RER1: variants seen among roughly 807,000 people sequenced by gnomAD.
RER1 encodes the protein retention in endoplasmic reticulum sorting receptor 1.
A neutral mutation model predicts 28.3 loss-of-function variants in RER1; 6 were observed. That is an observed-to-expected ratio of 0.21 (90% CI 0.12 to 0.42). The LOEUF (loss-of-function observed/expected upper bound fraction) is 0.42, where lower values mean the gene tolerates loss of function less well. RER1 is among the 10% of genes least tolerant of loss of function. The pLI, the probability that RER1 is intolerant of heterozygous loss-of-function variation, is 1.00. For synonymous variants in RER1, 110 were observed against 95.9 expected (o/e 1.15, Z -0.86); for missense variants, 159 against 252.9 (o/e 0.63, Z 2.52).
chr1:2,393,465 C>G (rs1462817677), intron 1 of RER1, among the ~76,000 whole-genome samples: 1 of 152,178 alleles, frequency 6.6e-6, no homozygotes, highest in Non-Finnish European at 1.5e-5. Flanking sequence ...GGGCTTCAAA[C>G]TGAGCAGAGA....
chr1:2,399,551 G>A, intron 4 of RER1, 37 bp downstream of exon 4: 2 of 1,343,252 alleles, frequency 1.5e-6, no homozygotes, highest in South Asian at 2.3e-5. Flanking sequence ...GTGTGGGCAG[G>A]TTGGGCCTTT....
At chr1:2,400,020 G>A (rs1446779943) in intron 4 of RER1, among the ~76,000 whole-genome samples, 3 of 152,254 alleles carry the variant, frequency 2.0e-5, no homozygotes, top group African/African-American at 7.2e-5. Flanking sequence ...GTGAGCTGAA[G>A]TGTTCCTGGT....
In RER1 at chr1:2,405,078, CTG is replaced by C. The variant is rs1010262344; in HGVS notation, c.*1957_*1958del. 3 of 160,242 alleles carry C rather than the reference CTG, an allele frequency of 1.9e-5. No homozygotes were observed. The highest frequency in any genetic ancestry group is 4.2e-5 in the Non-Finnish European group (3 of 72,228). 9.9% of individuals were successfully genotyped at this position (160,242 alleles called of 1,614,324 possible). ...GCGTCTGGGTCAGGAAGAGACCTCT[CTG>C]TGCGTCTCAGGCTGAGATGCAGATT... On this transcript the variant is annotated 3_prime_UTR_variant, in exon 7 of 7. Transcript: ENST00000605895.
chr1:2,398,905 C>T (rs1402323448), intron 3 of RER1, among the ~76,000 whole-genome samples: 2 of 152,196 alleles, frequency 1.3e-5, no homozygotes, highest in African/African-American at 2.4e-5. Context: ...TTTAACCCTC[C>T]TGGCAGAGTG....
intron 1 of RER1, chr1:2,394,093 G>C (rs1366803714): frequency 6.6e-6 from 1 of 152,228 alleles, no homozygotes; most frequent in Non-Finnish European, 1.5e-5. Flanking sequence ...CAGATGGCCT[G>C]GCTTTGGCCT....
intron 3 of RER1, among the ~76,000 whole-genome samples, chr1:2,397,915 T>C (rs1642791706): frequency 1.3e-5 from 2 of 152,248 alleles, no homozygotes; most frequent in African/African-American, 2.4e-5. Context: ...TTGAAAGCCT[T>C]GTCTGGGCTA....
intron 6 of RER1, among the ~76,000 whole-genome samples, chr1:2,402,716 T>C (rs1334917688): frequency 2.0e-5 from 3 of 152,216 alleles, no homozygotes; most frequent in Non-Finnish European, 2.9e-5. Context: ...CCCTTGACGG[T>C]GTGGCCTTCG....
intron 1 of RER1, among the ~76,000 whole-genome samples, chr1:2,392,319 C>G (rs1191839869): frequency 2.0e-5 from 3 of 152,206 alleles, no homozygotes; most frequent in African/African-American, 7.2e-5. Context: ...GCCCCCACAG[C>G]GCTGCGAGTT....
intron 1 of RER1, 35 bp from the exon 2 acceptor site, chr1:2,395,749 T>C (rs1642759773): frequency 6.7e-7 from 1 of 1,492,082 alleles, no homozygotes; most frequent in Non-Finnish European, 9.4e-7. Context: ...CCGTGAATGC[T>C]TTTTACTGAA....
chr1:2,393,979 C>CT (rs1642731464), intron 1 of RER1: 1 of 152,198 alleles, frequency 6.6e-6, no homozygotes, highest in African/African-American at 2.4e-5. Context: ...TGACATTACT[C>CT]TCATCACCTC....
intron 3 of RER1, among the ~76,000 whole-genome samples, 196 bp downstream of exon 3, chr1:2,397,416 G>A (rs529999260): frequency 1.3e-5 from 2 of 152,284 alleles, no homozygotes; most frequent in South Asian, 2.1e-4. Context: ...ACCCGGAGTC[G>A]CCTCGCCAGG....
At position 2,403,310 on chromosome 1, in the gene RER1, T is replaced by C. The variant is rs560965398; in HGVS notation, c.*186T>C. On this transcript the variant is annotated 3_prime_UTR_variant, in exon 7 of 7. Transcript: ENST00000605895. ...AAACTGGCGCTTAAACCAAATCGCATGGATTTCTTTTTCAGTGACGTTCAA... is the reference window on the plus strand; with the variant it reads ...AAACTGGCGCTTAAACCAAATCGCACGGATTTCTTTTTCAGTGACGTTCAA... The C allele has an allele frequency of 5.6e-5, 31 of 557,330 alleles. 1 individual carries two copies. In the Admixed American group the frequency reaches 6.5e-4, roughly 12 times the overall value. The allele number at this position is 557,330 out of a possible 1,614,324, so 34.5% of individuals were successfully genotyped here. A position where few individuals can be genotyped will look rare whatever the true frequency, so the allele number is the denominator to read the frequency against.
At chr1:2,399,791 G>C (rs943427834) in intron 4 of RER1, among the ~76,000 whole-genome samples, 7 of 152,224 alleles carry the variant, frequency 4.6e-5, no homozygotes, top group Non-Finnish European at 1.0e-4. Context: ...ACCACAGACA[G>C]TAGGGGTCTG....
Position 2,396,274 on chromosome 1 carries a change from G to A in RER1, c.81+403G>A, listed in dbSNP as rs149295773. On this transcript the variant is annotated intron_variant, in intron 2 of 6. Transcript: ENST00000605895. ...GGCGGTTCTGTCCTTGAGGGTGAGA[G>A]GCTCTTGTGTGGGCTGCGTGTGCAT... The A allele has an allele frequency of 4.9e-3, 1,123 of 228,770 alleles. 18 individuals are homozygous for A. The highest frequency in any genetic ancestry group is 0.023 in the African/African-American group (1,008 of 44,698). 14.2% of individuals were successfully genotyped at this position (228,770 alleles called of 1,614,324 possible).
At chr1:2,402,178 C>A (rs368718129) in intron 5 of RER1, 29 bp from the exon 6 acceptor site, 1 of 1,613,992 alleles carries the variant, frequency 6.2e-7, no homozygotes, top group Non-Finnish European at 8.5e-7. Flanking sequence ...GCTGCAGATG[C>A]GGCGCTAACC....
chr1:2,399,339 C>T (rs773102034), intron 3 of RER1, 76 bp from the exon 4 acceptor site: 25 of 941,438 alleles, frequency 2.7e-5, no homozygotes, highest in African/African-American at 4.9e-5. Flanking sequence ...GAGAGTGAAC[C>T]GGAGTGCAAA....
At chr1:2,394,397 T>C (rs1353595868) in intron 1 of RER1, 2 of 152,292 alleles carry the variant, frequency 1.3e-5, no homozygotes, top group African/African-American at 2.4e-5. Context: ...GGATTGCGTC[T>C]GGCCACCTGT....
At position 2,400,843 on chromosome 1, in the gene RER1, G is replaced by A. The variant is rs1267598601; in HGVS notation, c.287-14G>A. 1 of 1,611,384 alleles carries A rather than the reference G, an allele frequency of 6.2e-7. No homozygotes were observed. Among genetic ancestry groups the A allele is most frequent in the South Asian group, 1.1e-5 (1 of 91,022 alleles). ...AAAAGAGGTGCCCTCCCTGATGGTTGCTCTGCCTTACAGATGACGGTCCTT... is the reference window on the plus strand; with the variant it reads ...AAAAGAGGTGCCCTCCCTGATGGTTACTCTGCCTTACAGATGACGGTCCTT... On this transcript the variant is annotated splice_polypyrimidine_tract_variant and intron_variant, in intron 4 of 6. Coordinates refer to ENST00000605895, the MANE Select transcript of RER1 (RefSeq NM_007033.5).
intron 1 of RER1, chr1:2,393,182 T>A (rs1276012777): frequency 1.3e-5 from 2 of 152,022 alleles, no homozygotes; most frequent in African/African-American, 4.8e-5. Flanking sequence ...TGGTTTTATC[T>A]CCCTTTCTGT....
Sources: gnomAD v4.1 joint callset for allele counts (sites outside exome capture counted in the v4.1 genomes callset) on GRCh38, gnomAD v4.1.1 for gene constraint, MANE v1.5 for transcripts, NCBI Gene and HGNC (gene_info 2026-07-23, HGNC 2026-07-21) for gene names.